GPHN: variants seen among roughly 807,000 people sequenced by gnomAD.
GPHN encodes the protein gephyrin.
In GPHN, 17 loss-of-function variants were observed where a neutral mutation model predicts 95.5. The observed-to-expected ratio is 0.18, with a 90% CI of 0.12 to 0.27. The LOEUF is 0.27. GPHN is among the 10% of genes least tolerant of loss of function. The pLI, the probability that GPHN is intolerant of heterozygous loss-of-function variation, is 1.00. For missense variants in GPHN, 660 were observed against 978.1 expected (o/e 0.67, Z 4.34); for synonymous variants, 320 against 322.5 (o/e 0.99, Z 0.08).
the GPHN span, chr14:67,374,645 T>A: frequency 1.2e-5 from 9 of 726,110 alleles, no homozygotes; most frequent in Non-Finnish European, 1.7e-5. Flanking sequence ...AAGTATTGCT[T>A]ATGATCTAAT....
intron 1 of GPHN, among the ~76,000 whole-genome samples, chr14:66,595,539 G>A (rs138236673): frequency 0.013 from 1,914 of 152,258 alleles, 23 homozygotes; most frequent in Non-Finnish European, 0.018. Context: ...GTGAGTTAGC[G>A]TGTGATCTGG....
At chr14:67,507,203 GTGCTAATAT>G in the GPHN span, among the ~76,000 whole-genome samples, 1 of 152,042 alleles carries the variant, frequency 6.6e-6, no homozygotes, top group African/African-American at 2.4e-5. Context: ...AATTAGCCAG[GTGCTAATAT>G]AGGTGGTGCA....
the GPHN span, among the ~76,000 whole-genome samples, chr14:67,535,995 A>G: frequency 6.6e-6 from 1 of 152,224 alleles, no homozygotes; most frequent in Non-Finnish European, 1.5e-5. Flanking sequence ...GCTTAAGGCC[A>G]CAGGATTATT....
At chr14:66,511,229 C>T (rs1184126077) in intron 1 of GPHN, among the ~76,000 whole-genome samples, 1 of 152,104 alleles carries the variant, frequency 6.6e-6, no homozygotes, top group Non-Finnish European at 1.5e-5. Context: ...TGAAGCTGTG[C>T]TGTACAATTT....
chr14:67,569,691 G>A, the GPHN span: 35 of 572,840 alleles, frequency 6.1e-5, no homozygotes, highest in African/African-American at 5.4e-4. Context: ...AGGAAAAAAT[G>A]GTTAAAGGTA....
At chr14:66,972,793 G>A (rs1268800212) in intron 9 of GPHN, among the ~76,000 whole-genome samples, 1 of 151,858 alleles carries the variant, frequency 6.6e-6, no homozygotes, top group Non-Finnish European at 1.5e-5. Context: ...CTATGTCATT[G>A]AGGACAGTAT....
the GPHN span, chr14:67,197,995 T>G: frequency 1.4e-6 from 1 of 694,998 alleles, no homozygotes; most frequent in Non-Finnish European, 2.3e-6. Flanking sequence ...TTTAGATGTA[T>G]GTATTAATAC....
intron 3 of GPHN, among the ~76,000 whole-genome samples, chr14:66,797,657 T>C (rs2060206268): frequency 6.6e-6 from 1 of 151,986 alleles, no homozygotes; most frequent in African/African-American, 2.4e-5. Context: ...AAAATGCTAC[T>C]GATTTTTGTA....
chr14:67,676,219 T>C, the GPHN span, among the ~76,000 whole-genome samples: 1 of 152,262 alleles, frequency 6.6e-6, no homozygotes, highest in African/African-American at 2.4e-5. Context: ...GTATGACTGC[T>C]CAGGAGAAAA....
intron 3 of GPHN, among the ~76,000 whole-genome samples, chr14:66,815,279 C>G (rs2060917598): frequency 6.6e-6 from 1 of 152,120 alleles, no homozygotes; most frequent in African/African-American, 2.4e-5. Context: ...CCCAACCTAG[C>G]TAGAGAGGCC....
chr14:67,346,472 C>T, the GPHN span, among the ~76,000 whole-genome samples: 1 of 152,152 alleles, frequency 6.6e-6, no homozygotes. Flanking sequence ...CCACCAGGCC[C>T]AGCTAATTTT....
chr14:67,326,221 ATTTTTTTTTTTTTTTTT>A, the GPHN span, among the ~76,000 whole-genome samples: 37 of 12,912 alleles, frequency 2.9e-3, no homozygotes, highest in African/African-American at 4.7e-3. Context: ...TTTAGGTCTG[ATTTTTTTTTTTTTTTTT>A]TTTTTTTTTT....
Position 66,691,082 on chromosome 14 carries a change from C to T in GPHN, c.143+9897C>T, listed in dbSNP as rs1359213624. Among the ~76,000 whole-genome samples the T allele has an allele frequency of 2.0e-5, 3 of 152,230 alleles. No homozygotes were observed. The South Asian group carries it at 6.2e-4, about 32-fold the overall frequency. Reference sequence around the variant, plus strand: ...ATAGGCTGGGTACAGTGGCTCACACCTATAATCCTGGCACTTTGGGAGACT... The same window carrying T: ...ATAGGCTGGGTACAGTGGCTCACACTTATAATCCTGGCACTTTGGGAGACT... On this transcript the variant is annotated intron_variant, in intron 2 of 22. Coordinates refer to ENST00000478722, the MANE Select transcript of GPHN (RefSeq NM_020806.5).
the GPHN span, among the ~76,000 whole-genome samples, chr14:67,382,906 TGC>T: frequency 0.021 from 2,908 of 136,780 alleles, 34 homozygotes; most frequent in Middle Eastern, 0.032. Flanking sequence ...CGTGCGTGCG[TGC>T]GTGTGTGTGT....
the GPHN span, chr14:67,573,969 GC>G: frequency 1.0e-6 from 1 of 984,054 alleles, no homozygotes; most frequent in Non-Finnish European, 1.6e-6. This position sits in a 1 kb window ranked among gnomAD's most constrained non-coding sequence, Gnocchi z 4.8. Context: ...CAAAGATGGG[GC>G]CAAATGAGCA....
intron 11 of GPHN, among the ~76,000 whole-genome samples, chr14:67,074,837 A>G (rs907723791): frequency 3.3e-5 from 5 of 152,192 alleles, no homozygotes; most frequent in African/African-American, 1.2e-4. Context: ...AAAGGTATAG[A>G]AGAAAAGTTT....
the GPHN span, among the ~76,000 whole-genome samples, chr14:67,660,944 C>T: frequency 1.3e-5 from 2 of 152,180 alleles, no homozygotes; most frequent in African/African-American, 4.8e-5. Context: ...GCTCCCAGTA[C>T]TCCCATTAGG....
chr14:67,320,493 A>G, the GPHN span: 1 of 1,174,192 alleles, frequency 8.5e-7, no homozygotes, highest in Non-Finnish European at 1.1e-6. Context: ...TCATTTCATT[A>G]AAACACTGTT....
At chr14:67,268,132 A>G in the GPHN span, among the ~76,000 whole-genome samples, 1 of 152,310 alleles carries the variant, frequency 6.6e-6, no homozygotes, top group South Asian at 2.1e-4. Context: ...TGTATGTTTA[A>G]CTTTTTAAGA....
Sources: gnomAD v4.1 joint callset for allele counts (sites outside exome capture counted in the v4.1 genomes callset) on GRCh38, gnomAD v4.1.1 for gene constraint, Gnocchi (gnomAD v3.1) non-coding constraint, MANE v1.5 for transcripts, NCBI Gene and HGNC (gene_info 2026-07-23, HGNC 2026-07-21) for gene names.